The following TANC2 variants were observed in gnomAD, a reference collection of about 807,000 sequenced individuals.
TANC2 encodes the protein tetratricopeptide repeat, ankyrin repeat and coiled-coil containing 2.
TANC2 carries 26 observed loss-of-function variants against 210.5 expected under a neutral mutation model. That is an observed-to-expected ratio of 0.12 (90% confidence interval 0.09 to 0.17). TANC2 has a LOEUF of 0.17. Among genes scored for constraint, TANC2 ranks in the 10% least tolerant of loss-of-function variants. The probability of loss-of-function intolerance (pLI) is 1.00; values close to 1 mark genes in which losing one functional copy is unlikely to be tolerated. For missense variants in TANC2, 2,129 were observed against 2,608.9 expected, an observed-to-expected ratio of 0.82 and a Z score of 4.01; for synonymous variants, 931 against 967.1, an observed-to-expected ratio of 0.96 and a Z score of 0.69.
At chr17:63,351,987 T>C (rs2046624948) in intron 13 of TANC2, among the ~76,000 whole-genome samples, 1 of 152,052 alleles carries the variant, frequency 6.6e-6, no homozygotes, top group African/African-American at 2.4e-5. Flanking sequence ...CCCTTCTCAC[T>C]CACTGGTCAC....
chr17:63,207,282 C>G (rs1283169497), intron 7 of TANC2, among the ~76,000 whole-genome samples: 1 of 132,138 alleles, frequency 7.6e-6, no homozygotes, highest in Non-Finnish European at 1.5e-5. Context: ...GTTGCGCAGT[C>G]TCGGCTCACT....
At chr17:63,331,604 A>G (rs1357107941) in intron 11 of TANC2, among the ~76,000 whole-genome samples, 1 of 152,234 alleles carries the variant, frequency 6.6e-6, no homozygotes, top group East Asian at 1.9e-4. Context: ...GCATTAGATC[A>G]GTAAAATAAT....
At chr17:62,971,417 T>A (rs1019881569) in intron 1 of TANC2, among the ~76,000 whole-genome samples, 8 of 152,162 alleles carry the variant, frequency 5.3e-5, no homozygotes, top group Non-Finnish European at 1.2e-4. Context: ...GCAGCCTACG[T>A]CTCCTGGGCT....
intron 3 of TANC2, chr17:63,088,903 CTT>C (rs1182586271): frequency 1.3e-5 from 2 of 152,132 alleles, no homozygotes; most frequent in African/African-American, 4.8e-5. Flanking sequence ...TGGTTTGTCT[CTT>C]GTCTATGATT....
intron 1 of TANC2, among the ~76,000 whole-genome samples, chr17:62,975,825 T>C (rs1217586095): frequency 6.6e-6 from 1 of 152,068 alleles, no homozygotes; most frequent in African/African-American, 2.4e-5. Flanking sequence ...TTGGTGAAAA[T>C]CCTTAGGACG....
chr17:63,179,976 A>T (rs1284835120), intron 5 of TANC2, among the ~76,000 whole-genome samples: 2 of 93,306 alleles, frequency 2.1e-5, no homozygotes, highest in Non-Finnish European at 5.1e-5. Context: ...ATCTCTTTAA[A>T]AAAAAAAAAA....
At chr17:63,347,920 C>T (rs2046467794) in intron 12 of TANC2, among the ~76,000 whole-genome samples, 1 of 152,134 alleles carries the variant, frequency 6.6e-6, no homozygotes, top group Non-Finnish European at 1.5e-5. Flanking sequence ...AGCGCACCAT[C>T]ATACTTGGCT....
chr17:63,203,362 G>C (rs1049013549), intron 7 of TANC2, among the ~76,000 whole-genome samples: 3 of 152,058 alleles, frequency 2.0e-5, no homozygotes, highest in African/African-American at 4.8e-5. Flanking sequence ...ACATTTTATT[G>C]TAGAAATGTT....
At position 63,214,112 on chromosome 17, in the gene TANC2, C is replaced by A. The variant is rs1275913104; in HGVS notation, c.769+13155C>A. On this transcript the variant is annotated intron_variant, in intron 7 of 27. Transcript: ENST00000689528. ...CAAAGAGGATTTTTCTGCTAACTCC[C>A]TTCCTGTATTGGTCACAGCCTGGTG... Among the ~76,000 whole-genome samples, 2 of 152,198 alleles carry A rather than the reference C, an allele frequency of 1.3e-5. 1 individual carries two copies. Among genetic ancestry groups the A allele is most frequent in the East Asian group, 3.8e-4 (2 of 5,196 alleles).
In TANC2 at chr17:63,421,997, CAT is replaced by C. The variant is rs1232789929; in HGVS notation, c.*43_*44del. On this transcript the variant is annotated 3_prime_UTR_variant, in exon 28 of 28. Transcript: ENST00000689528. The surrounding 1 kb of genome is among the most constrained non-coding windows in gnomAD (Gnocchi z 6.9). ...GTGAGACCCATATGTTTTCACTGCA[CAT>C]TTTCAGGCTTGGTTTCCACATTCGA... is the stretch of plus-strand genomic sequence containing the variant. The C allele has an allele frequency of 6.5e-7, 1 of 1,541,204 alleles. No individual in the cohort carries two copies. The highest frequency in any genetic ancestry group is 8.7e-7 in the Non-Finnish European group (1 of 1,144,520).
intron 14 of TANC2, among the ~76,000 whole-genome samples, chr17:63,362,193 G>A (rs1381340891): frequency 2.0e-5 from 3 of 152,236 alleles, no homozygotes; most frequent in African/African-American, 7.2e-5. Flanking sequence ...GCTCTCAGGG[G>A]AGAGGAGACA....
intron 2 of TANC2, among the ~76,000 whole-genome samples, chr17:63,035,660 A>G (rs909103594): frequency 4.6e-5 from 7 of 152,214 alleles, no homozygotes; most frequent in African/African-American, 1.2e-4. Flanking sequence ...TAGAGCCACT[A>G]TAAACATTCA....
intron 9 of TANC2, among the ~76,000 whole-genome samples, chr17:63,277,388 C>T (rs542114246): frequency 1.2e-4 from 18 of 151,710 alleles, no homozygotes; most frequent in Non-Finnish European, 2.4e-4. Context: ...TTCGTCACCC[C>T]GGTATTAAGC....
chr17:63,052,444 T>C (rs973409538), intron 2 of TANC2, among the ~76,000 whole-genome samples: 1 of 152,206 alleles, frequency 6.6e-6, no homozygotes, highest in African/African-American at 2.4e-5. Flanking sequence ...GAGCATAAAT[T>C]GATAGCGGCC....
intron 18 of TANC2, among the ~76,000 whole-genome samples, chr17:63,398,532 G>A (rs1424943191): frequency 6.6e-6 from 1 of 151,836 alleles, no homozygotes; most frequent in Admixed American, 6.6e-5. Flanking sequence ...ATAGGGAGGA[G>A]GAAGGATTGC....
chr17:63,021,214 G>T (rs902666724), intron 2 of TANC2, among the ~76,000 whole-genome samples: 1 of 152,188 alleles, frequency 6.6e-6, no homozygotes, highest in Non-Finnish European at 1.5e-5. Context: ...ATGTGCAATA[G>T]TATGTAATGC....
At chr17:63,402,413 T>G (rs1484398033) in intron 19 of TANC2, among the ~76,000 whole-genome samples, 1 of 152,188 alleles carries the variant, frequency 6.6e-6, no homozygotes, top group South Asian at 2.1e-4. Context: ...GTCTGACATA[T>G]AGCTCAATAA....
At chr17:63,199,618 CAAA>C (rs372702611) in intron 6 of TANC2, among the ~76,000 whole-genome samples, 1 of 114,272 alleles carries the variant, frequency 8.8e-6, no homozygotes, top group East Asian at 2.7e-4. Flanking sequence ...AACTCCATCT[CAAA>C]AAAAAAAAAA....
intron 12 of TANC2, among the ~76,000 whole-genome samples, chr17:63,344,168 A>T (rs2046326827): frequency 1.3e-5 from 2 of 152,172 alleles, no homozygotes. Context: ...CTCTATTGTG[A>T]ACTATGCGTG....
Sources: allele counts gnomAD v4.1 joint callset (sites outside exome capture counted in the v4.1 genomes callset), GRCh38; gene constraint gnomAD v4.1.1; non-coding constraint Gnocchi (gnomAD v3.1); transcripts MANE v1.5; gene names NCBI Gene and HGNC (gene_info 2026-07-23, HGNC 2026-07-21).